The following PTP4A1 variants were observed in gnomAD, a reference collection of about 807,000 sequenced individuals.
PTP4A1 encodes the protein protein tyrosine phosphatase type IVA 1.
A neutral mutation model predicts 20.5 loss-of-function variants in PTP4A1; 9 were observed. The ratio of observed to expected loss-of-function variants is 0.44; its 90% CI spans 0.26 to 0.77. The LOEUF (loss-of-function observed/expected upper bound fraction) is 0.77. Among genes scored for constraint, PTP4A1 ranks in the 30% least tolerant of loss-of-function variants. The pLI is 0.19. For synonymous variants in PTP4A1, 78 were observed against 67.4 expected (o/e 1.16, Z -0.77); for missense variants, 137 against 218.8 (o/e 0.63, Z 2.36).
chr6:63,533,806 A>G (rs1342933014), intron 2 of PTP4A1, among the ~76,000 whole-genome samples: 1 of 151,508 alleles, frequency 6.6e-6, no homozygotes, highest in Non-Finnish European at 1.5e-5. Flanking sequence ...CACAAACAAA[A>G]TATAGCAAAT....
chr6:63,539,264 A>T lies in PTP4A1; in HGVS notation c.-639-11036A>T, dbSNP rs143815693. Among the ~76,000 whole-genome samples, 7 of 152,324 alleles carry T rather than the reference A, an allele frequency of 4.6e-5. 1 individual carries two copies. Among genetic ancestry groups the T allele is most frequent in the African/African-American group, 1.7e-4 (7 of 41,582 alleles). Reference sequence around the variant, plus strand: ...ATTTGTTTAAAATTACATAACATGTAATATTAACAAAGAGATAAAGAGTAA... The same window carrying T: ...ATTTGTTTAAAATTACATAACATGTTATATTAACAAAGAGATAAAGAGTAA... On this transcript the variant is annotated intron_variant, in intron 2 of 3. Transcript: ENST00000639568.
At chr6:63,574,369 G>GAA (rs3839638) in intron 1 of PTP4A1, among the ~76,000 whole-genome samples, 2 of 151,816 alleles carry the variant, frequency 1.3e-5, no homozygotes, top group African/African-American at 2.4e-5. Flanking sequence ...AGGTGGGAGG[G>GAA]AAAAAATCCC....
At chr6:63,573,005 G>GGTCC (rs1777567992) in intron 1 of PTP4A1, among the ~76,000 whole-genome samples, 1 of 152,118 alleles carries the variant, frequency 6.6e-6, no homozygotes, top group Non-Finnish European at 1.5e-5. Flanking sequence ...GGGGCGGCGC[G>GGTCC]GTCCGGCTTC....
intron 1 of PTP4A1, among the ~76,000 whole-genome samples, chr6:63,526,805 A>G (rs1288807260): frequency 8.6e-4 from 74 of 86,030 alleles, no homozygotes; most frequent in African/African-American, 3.0e-3. Context: ...TCAAAAATGT[A>G]TATATATATA....
chr6:63,555,021 C>T (rs1003836288), intron 3 of PTP4A1, among the ~76,000 whole-genome samples: 2 of 152,160 alleles, frequency 1.3e-5, no homozygotes, highest in African/African-American at 4.8e-5. Context: ...TGGCTGATAT[C>T]AGAACACAGC....
chr6:63,535,612 G>A (rs776523102), intron 2 of PTP4A1, among the ~76,000 whole-genome samples: 4 of 152,112 alleles, frequency 2.6e-5, no homozygotes, highest in Admixed American at 1.3e-4. Context: ...ATGAGGTATC[G>A]AATGTTAATA....
At chr6:63,520,670 T>TAAATAAATAAAA (rs1199806657), upstream of PTP4A1, among the ~76,000 whole-genome samples, 2 of 138,812 alleles carry the variant, frequency 1.4e-5, no homozygotes, top group Non-Finnish European at 3.1e-5. Context: ...AATAAATAAA[T>TAAATAAATAAAA]AAAATGAAAA....
rs1777527276 is a variant in PTP4A1 at position 63,572,639 on chromosome 6, C to T, written c.-526C>T. The T allele has an allele frequency of 4.8e-6, 2 of 417,840 alleles. No individual in the cohort carries two copies. The highest frequency in any genetic ancestry group is 2.1e-4 in the South Asian group (2 of 9,310). 25.9% of individuals were successfully genotyped at this position (417,840 alleles called of 1,614,324 possible). A position where few individuals can be genotyped will look rare whatever the true frequency, so the allele number is the denominator to read the frequency against. On this transcript the variant is annotated 5_prime_UTR_variant, in exon 1 of 6. Transcript: ENST00000626021. ...CCACCGCCGCCTCCTGCCCTGCAGC[C>T]ACCGCCACCGCCTGTGTCGCCGCCG... is the stretch of plus-strand genomic sequence containing the variant.
intron 2 of PTP4A1, among the ~76,000 whole-genome samples, chr6:63,542,817 A>G (rs1776036419): frequency 6.6e-6 from 1 of 152,138 alleles, no homozygotes; most frequent in Admixed American, 6.6e-5. Flanking sequence ...TATGCAAAAT[A>G]CATCCCATAT....
At chr6:63,519,055 C>T (rs183038106), upstream of PTP4A1, among the ~76,000 whole-genome samples, 6 of 152,330 alleles carry the variant, frequency 3.9e-5, 1 homozygote, top group African/African-American at 1.4e-4. Context: ...TGGCTCACGC[C>T]TGTAATCCCA....
intron 2 of PTP4A1, among the ~76,000 whole-genome samples, chr6:63,539,001 T>C (rs1448408888): frequency 1.3e-5 from 2 of 152,328 alleles, no homozygotes; most frequent in Middle Eastern, 6.8e-3. Flanking sequence ...GAAGCAATTC[T>C]CCTGCCTCAG....
At chr6:63,574,108 TACTC>T (rs370926308) in intron 1 of PTP4A1, among the ~76,000 whole-genome samples, 186 of 152,286 alleles carry the variant, frequency 1.2e-3, no homozygotes, top group African/African-American at 1.9e-3. Context: ...TGCTTCCTGT[TACTC>T]AGTCAGTTGA....
rs1168384761 is a variant in PTP4A1 at position 63,579,320 on chromosome 6, A to T, written c.393A>T (p.Gln131His). The T allele has an allele frequency of 6.2e-7, 1 of 1,601,936 alleles. No homozygotes were observed. The highest frequency in any genetic ancestry group is 2.3e-5 in the East Asian group (1 of 44,266). ...EGGMKYEDAV[Q>H]FIRQKRRGAF... is the part of the protein sequence containing the mutation. ...GAATGAAATACGAAGATGCAGTACA[A>T]TTCATAAGACAGTAAGTAATGGATT... Residue 131 changes from glutamine (Q) to histidine (H), a missense_variant, in exon 5 of 6, where the codon CAA becomes CAT. Gln to His is a conservative substitution (Grantham distance 24). Coordinates refer to ENST00000626021, the MANE Select transcript of PTP4A1 (RefSeq NM_003463.5).
At chr6:63,578,570 TACA>T in intron 3 of PTP4A1, 41 bp downstream of exon 3, 5 of 1,576,514 alleles carry the variant, frequency 3.2e-6, no homozygotes, top group Non-Finnish European at 4.3e-6. Context: ...GGTGCTGTGC[TACA>T]AAAGTTTATT....
intron 3 of PTP4A1, among the ~76,000 whole-genome samples, chr6:63,550,713 C>T (rs1285771717): frequency 6.7e-6 from 1 of 150,004 alleles, no homozygotes; most frequent in Admixed American, 6.6e-5. Context: ...CAGGCTTCAC[C>T]TCCTGGGTTC....
upstream of PTP4A1, among the ~76,000 whole-genome samples, chr6:63,521,193 G>T (rs1367263393): frequency 6.6e-6 from 1 of 151,714 alleles, no homozygotes; most frequent in Non-Finnish European, 1.5e-5. Flanking sequence ...ACAAACCTGA[G>T]CATTCAGCAC....
intron 2 of PTP4A1, among the ~76,000 whole-genome samples, chr6:63,550,042 T>C (rs1057460210): frequency 1.4e-4 from 22 of 152,242 alleles, no homozygotes; most frequent in African/African-American, 5.3e-4. Context: ...CTATATGTTA[T>C]ACGTGTCATA....
At chr6:63,539,041 C>T (rs149468982) in intron 2 of PTP4A1, among the ~76,000 whole-genome samples, 6 of 152,036 alleles carry the variant, frequency 3.9e-5, no homozygotes, top group East Asian at 1.9e-4. Flanking sequence ...TACAGGTGTG[C>T]GCCACCATAC....
chr6:63,573,751 C>T (rs755549441), intron 1 of PTP4A1: 1 of 152,228 alleles, frequency 6.6e-6, no homozygotes, highest in Non-Finnish European at 1.5e-5. Flanking sequence ...GGCCAGTCGT[C>T]GAGAAATGGC....
Sources: allele counts gnomAD v4.1 joint callset (sites outside exome capture counted in the v4.1 genomes callset), GRCh38; gene constraint gnomAD v4.1.1; transcripts MANE v1.5; gene names NCBI Gene and HGNC (gene_info 2026-07-23, HGNC 2026-07-21).